GPC3: variants seen among roughly 807,000 people sequenced by gnomAD.
The protein encoded by GPC3 is glypican-3.
Under a neutral mutation model 34.4 loss-of-function variants are expected in GPC3, and 3 were observed. That is an observed-to-expected ratio of 0.09 (90% CI 0.04 to 0.23). GPC3 has a LOEUF of 0.23. Ranked by LOEUF, GPC3 falls within the 10% of genes least tolerant of loss-of-function variation. GPC3 has a pLI of 1.00. For synonymous variants in GPC3, 177 were observed against 174.0 expected, an observed-to-expected ratio of 1.02 and a Z score of -0.13; for missense variants, 351 against 445.6, an observed-to-expected ratio of 0.79 and a Z score of 1.91.
chrX:133,899,195 T>A (rs375116854), intron 2 of GPC3, among the ~76,000 whole-genome samples: 1 of 112,251 alleles, frequency 8.9e-6, no homozygotes, highest in South Asian at 3.7e-4. Context: ...GTACCGTATA[T>A]GAAACATAAA....
intron 3 of GPC3, among the ~76,000 whole-genome samples, chrX:133,743,487 C>A: frequency 8.9e-6 from 1 of 112,401 alleles, no homozygotes; most frequent in East Asian, 2.8e-4. Context: ...AATGCATGGG[C>A]ATAAGAGGTC....
chrX:133,639,247 G>C (rs1323990484), intron 6 of GPC3, among the ~76,000 whole-genome samples: 2 of 111,963 alleles, frequency 1.8e-5, no homozygotes, highest in African/African-American at 3.2e-5. Flanking sequence ...ATTCCTGCAG[G>C]TGAATCTAAT....
chrX:133,689,448 G>A (rs913470477), intron 5 of GPC3, among the ~76,000 whole-genome samples: 1 of 111,515 alleles, frequency 9.0e-6, no homozygotes, highest in Non-Finnish European at 1.9e-5. Context: ...CTTGGTTCCA[G>A]GGCATCATTC....
At chrX:133,548,058 A>T (rs1378879567) in intron 7 of GPC3, among the ~76,000 whole-genome samples, 3 of 110,295 alleles carry the variant, frequency 2.7e-5, no homozygotes, top group Non-Finnish European at 5.7e-5. Flanking sequence ...TGAAACTGTT[A>T]AAAAAAAAGT....
At chrX:133,785,920 A>G (rs1021226960) in intron 2 of GPC3, among the ~76,000 whole-genome samples, 4 of 112,306 alleles carry the variant, frequency 3.6e-5, no homozygotes, top group African/African-American at 1.3e-4. Flanking sequence ...CAGTCTCTTC[A>G]GTAATATAGC....
chrX:133,885,052 T>C (rs144597366), intron 2 of GPC3, among the ~76,000 whole-genome samples: 1 of 112,448 alleles, frequency 8.9e-6, no homozygotes, highest in Non-Finnish European at 1.9e-5. Flanking sequence ...GATGACATTA[T>C]GACCATGGCA....
At chrX:133,547,647 C>CATTATT (rs754505297) in intron 7 of GPC3, among the ~76,000 whole-genome samples, 125 of 110,242 alleles carry the variant, frequency 1.1e-3, no homozygotes, top group Non-Finnish European at 1.8e-3. Context: ...TCTGAGGCTG[C>CATTATT]ATTATTATTA....
At chrX:133,627,746 AAG>A (rs2070321064) in intron 6 of GPC3, among the ~76,000 whole-genome samples, 1 of 112,562 alleles carries the variant, frequency 8.9e-6, no homozygotes, top group Admixed American at 9.4e-5. Context: ...TTGTTACAAA[AAG>A]AGAAAAAGTA....
intron 4 of GPC3, among the ~76,000 whole-genome samples, chrX:133,695,119 C>A (rs2071102911): frequency 9.0e-6 from 1 of 111,718 alleles, no homozygotes; most frequent in South Asian, 3.8e-4. Context: ...CAAACGTGTC[C>A]TTCTTCACAT....
chrX:133,842,780 T>C (rs994808237), intron 2 of GPC3, among the ~76,000 whole-genome samples: 3 of 111,045 alleles, frequency 2.7e-5, no homozygotes, highest in African/African-American at 9.8e-5. Flanking sequence ...CTCATTCATA[T>C]GGATGGTGTG....
chrX:133,744,599 T>A (rs1258253823), intron 3 of GPC3, among the ~76,000 whole-genome samples: 3 of 112,365 alleles, frequency 2.7e-5, no homozygotes, highest in Non-Finnish European at 5.6e-5. Flanking sequence ...TGGAAGACAG[T>A]GTGGCGATTC....
chrX:133,726,793 T>C (rs1039979723), intron 3 of GPC3, among the ~76,000 whole-genome samples: 5 of 112,116 alleles, frequency 4.5e-5, no homozygotes, highest in African/African-American at 1.6e-4. Flanking sequence ...CACTGGCCAC[T>C]GTAAAAGCTG....
chrX:133,547,324 A>G (rs1221592690), intron 7 of GPC3, among the ~76,000 whole-genome samples: 2 of 111,798 alleles, frequency 1.8e-5, no homozygotes, highest in Admixed American at 1.9e-4. Context: ...CATTCTATAT[A>G]TTTTGCCATA....
chrX:133,622,211 C>T (rs937691465), intron 6 of GPC3, among the ~76,000 whole-genome samples: 3 of 112,023 alleles, frequency 2.7e-5, no homozygotes, highest in Non-Finnish European at 3.8e-5. Flanking sequence ...GAAACCAGAG[C>T]AGAAAAGCTG....
chrX:133,560,558 G>A (rs949040481), intron 7 of GPC3, among the ~76,000 whole-genome samples: 1 of 111,673 alleles, frequency 9.0e-6, no homozygotes, highest in African/African-American at 3.3e-5. Flanking sequence ...GGTCAACATG[G>A]CAAAACCCCG....
At chrX:133,824,559 G>A (rs1249841454) in intron 2 of GPC3, among the ~76,000 whole-genome samples, 1 of 111,533 alleles carries the variant, frequency 9.0e-6, no homozygotes, top group Non-Finnish European at 1.9e-5. Context: ...GTAAGATATG[G>A]TATATTACAA....
At chrX:133,847,979 CA>C (rs1297704216) in intron 2 of GPC3, among the ~76,000 whole-genome samples, 1 of 111,535 alleles carries the variant, frequency 9.0e-6, no homozygotes, top group Non-Finnish European at 1.9e-5. Context: ...CAGAGATTAA[CA>C]AAAGAAAATC....
chrX:133,903,280 AC>A (rs2076153163), intron 2 of GPC3, among the ~76,000 whole-genome samples: 1 of 111,188 alleles, frequency 9.0e-6, no homozygotes, highest in African/African-American at 3.3e-5. Flanking sequence ...GCTGCAGTTA[AC>A]CCCCTTATAA....
chrX:133,667,904 C>CT (rs1281987137), intron 5 of GPC3, among the ~76,000 whole-genome samples: 2 of 104,268 alleles, frequency 1.9e-5, no homozygotes, highest in Non-Finnish European at 3.9e-5. Context: ...ATTTTCTTTT[C>CT]TTTTTTTTTC....
Sources: gnomAD v4.1 joint callset for allele counts (sites outside exome capture counted in the v4.1 genomes callset) on GRCh38, gnomAD v4.1.1 for gene constraint, MANE v1.5 for transcripts, NCBI Gene and HGNC (gene_info 2026-07-23, HGNC 2026-07-21) for gene names.